Variants in TNIK observed in about 807,000 individuals in gnomAD.
TNIK encodes the protein TRAF2 and NCK-interacting protein kinase.
Under a neutral mutation model 191.3 loss-of-function variants are expected in TNIK, and 49 were observed. The observed-to-expected ratio is 0.26, with a 90% CI of 0.20 to 0.32. The LOEUF is 0.32. TNIK is among the 10% of genes least tolerant of loss of function. TNIK has a pLI of 1.00. For missense variants in TNIK, 1,155 were observed against 1,702.3 expected, an observed-to-expected ratio of 0.68 and a Z score of 5.66; for synonymous variants, 594 against 600.9, an observed-to-expected ratio of 0.99 and a Z score of 0.17.
intron 2 of TNIK, among the ~76,000 whole-genome samples, chr3:171,264,036 G>A (rs146303684): frequency 0.14 from 19,996 of 148,002 alleles, 1,754 homozygotes; most frequent in Non-Finnish European, 0.18. Context: ...GTGTGTGTGT[G>A]TATATATATG....
intron 2 of TNIK, among the ~76,000 whole-genome samples, chr3:171,340,907 A>G (rs892686377): frequency 2.8e-5 from 4 of 145,078 alleles, no homozygotes; most frequent in African/African-American, 2.5e-5. Flanking sequence ...TTTGGGAGGG[A>G]AAAAAAAAAA....
intron 1 of TNIK, among the ~76,000 whole-genome samples, chr3:171,429,660 T>C (rs960700345): frequency 1.3e-5 from 2 of 152,188 alleles, no homozygotes; most frequent in African/African-American, 2.4e-5. Flanking sequence ...CACTTCTTCC[T>C]TTCAGATGGT....
intron 1 of TNIK, among the ~76,000 whole-genome samples, chr3:171,432,225 A>G (rs1725470425): frequency 6.6e-6 from 1 of 152,166 alleles, no homozygotes; most frequent in Non-Finnish European, 1.5e-5. Flanking sequence ...GGAAAATAAT[A>G]CCTATGCTGT....
intron 2 of TNIK, among the ~76,000 whole-genome samples, chr3:171,286,485 A>G (rs1175739282): frequency 6.6e-6 from 1 of 152,192 alleles, no homozygotes; most frequent in African/African-American, 2.4e-5. Flanking sequence ...AAATACAAAA[A>G]TTAGCTGGGT....
intron 9 of TNIK, among the ~76,000 whole-genome samples, chr3:171,171,317 C>T (rs1735253190): frequency 6.6e-6 from 1 of 152,064 alleles, no homozygotes; most frequent in Non-Finnish European, 1.5e-5. Flanking sequence ...CGAACTTTGT[C>T]CTATCTCAAA....
chr3:171,110,003 C>G (rs558309588), intron 19 of TNIK, among the ~76,000 whole-genome samples: 79 of 152,022 alleles, frequency 5.2e-4, no homozygotes, highest in Non-Finnish European at 8.1e-4. Flanking sequence ...CTCCTGGGTT[C>G]AAGCGATTCT....
At chr3:171,175,439 A>G (rs1245440202) in intron 8 of TNIK, 109 bp from the exon 9 acceptor site, 11 of 783,416 alleles carry the variant, frequency 1.4e-5, no homozygotes, top group Non-Finnish European at 2.0e-5. Flanking sequence ...CAGTTTACAC[A>G]CCACCAGTGA....
rs1208919152 is a variant in TNIK, at chr3:171,316,077, G to A, written c.123+53543C>T. Among the ~76,000 whole-genome samples the A allele has an allele frequency of 3.9e-5, 6 of 152,162 alleles. No individual in the cohort carries two copies. The Middle Eastern group carries it at 0.014, about 345-fold the overall frequency. The stretch of plus-strand genomic sequence containing the variant: ...AGAGACCCATAAATCTGTCTTCCCC[G>A]CTCTTCCCATAGCTGCAGTTTTAGC... On this transcript the variant is annotated intron_variant, in intron 2 of 32. Transcript: ENST00000436636.
intron 2 of TNIK, among the ~76,000 whole-genome samples, chr3:171,318,437 G>A (rs1754860283): frequency 6.6e-6 from 1 of 152,000 alleles, no homozygotes; most frequent in Non-Finnish European, 1.5e-5. Flanking sequence ...AGCTTGGTTG[G>A]CCCTAGAAAA....
intron 1 of TNIK, among the ~76,000 whole-genome samples, chr3:171,445,037 T>A (rs1055868974): frequency 6.6e-6 from 1 of 151,998 alleles, no homozygotes; most frequent in Non-Finnish European, 1.5e-5. Flanking sequence ...TTTTAAACAT[T>A]TAGGCCAGTG....
At chr3:171,180,628 T>G (rs919177841) in intron 7 of TNIK, among the ~76,000 whole-genome samples, 10 of 152,204 alleles carry the variant, frequency 6.6e-5, no homozygotes, top group African/African-American at 2.4e-4. Context: ...GTTCTAGGGC[T>G]AGTAGACTCT....
intron 1 of TNIK, among the ~76,000 whole-genome samples, chr3:171,414,621 C>T (rs1049753820): frequency 5.9e-5 from 9 of 152,188 alleles, no homozygotes; most frequent in Non-Finnish European, 1.2e-4. Flanking sequence ...AGCTTTCCCA[C>T]AGGCCAGTTC....
intron 31 of TNIK, 34 bp downstream of exon 31, chr3:171,066,542 A>T (rs1375533146): frequency 6.2e-7 from 1 of 1,608,040 alleles, no homozygotes; most frequent in South Asian, 1.1e-5. Context: ...TGGGGGGTGT[A>T]ACTGCTGAAG....
In TNIK at chr3:171,256,850, T is replaced by A. The variant is rs550737647; in HGVS notation, c.124-28629A>T. ...ACAGAAGAGTAACACTGGCCCCCCA[T>A]GAAGAGAGTCCTCTGCACTTCCCCA... On this transcript the variant is annotated intron_variant, in intron 2 of 32. Transcript: ENST00000436636. Among the ~76,000 whole-genome samples, 5 of 152,224 alleles carry A rather than the reference T, an allele frequency of 3.3e-5. No individual in the cohort carries two copies. In the East Asian group the frequency reaches 5.8e-4, roughly 18 times the overall value.
At chr3:171,124,992 C>CT (rs1362243657) in intron 17 of TNIK, among the ~76,000 whole-genome samples, 2 of 152,126 alleles carry the variant, frequency 1.3e-5, no homozygotes, top group Non-Finnish European at 2.9e-5. Flanking sequence ...AAATTATCAG[C>CT]TTTTTTTATT....
In TNIK at chr3:171,325,079, C is replaced by A. The variant is rs150332850; in HGVS notation, c.123+44541G>T. 1.1e-4 allele frequency among the ~76,000 whole-genome samples: 17 copies of A among 152,004 alleles called. 1 individual carries two copies. The East Asian group carries it at 3.3e-3, about 29-fold the overall frequency. Reference sequence around the variant, plus strand: ...TGGCGCCACTGCACTTCAGCCTGGGCAACAGAGCCAGACTGTCTCAAAATA... The same window carrying A: ...TGGCGCCACTGCACTTCAGCCTGGGAAACAGAGCCAGACTGTCTCAAAATA... On this transcript the variant is annotated intron_variant, in intron 2 of 32. Transcript: ENST00000436636.
chr3:171,076,754 T>C (rs1459694539), intron 28 of TNIK, among the ~76,000 whole-genome samples: 1 of 152,142 alleles, frequency 6.6e-6, no homozygotes, highest in Non-Finnish European at 1.5e-5. Flanking sequence ...CGCTTGCAAC[T>C]CTTTCAACTA....
rs141548701 is a variant in TNIK, at chr3:171,411,299, A to T, written c.58-41614T>A. On this transcript the variant is annotated intron_variant, in intron 1 of 32. Transcript: ENST00000436636. ...CTCTGTTGACCAGGCTGGCTGAGAAATCATAATCTTAATGTTGGGAGATTG... is the reference window on the plus strand; with the variant it reads ...CTCTGTTGACCAGGCTGGCTGAGAATTCATAATCTTAATGTTGGGAGATTG... Among the ~76,000 whole-genome samples the T allele has an allele frequency of 4.0e-3, 614 of 152,166 alleles. 5 individuals carry two copies. Among genetic ancestry groups the T allele is most frequent in the African/African-American group, 0.014 (591 of 41,496 alleles).
At chr3:171,181,711 T>A (rs58584616) in intron 7 of TNIK, among the ~76,000 whole-genome samples, 2 of 152,132 alleles carry the variant, frequency 1.3e-5, no homozygotes, top group Admixed American at 1.3e-4. Context: ...CAACCATGAG[T>A]TATTGCCAAC....
Sources: allele counts gnomAD v4.1 joint callset (sites outside exome capture counted in the v4.1 genomes callset), GRCh38; gene constraint gnomAD v4.1.1; transcripts MANE v1.5; gene names NCBI Gene and HGNC (gene_info 2026-07-23, HGNC 2026-07-21).